The following RSPH1 variants were observed in gnomAD, a reference collection of about 807,000 sequenced individuals.
RSPH1 encodes the protein radial spoke head 1 homolog.
A neutral mutation model predicts 44.2 loss-of-function variants in RSPH1; 32 were observed. The ratio of observed to expected loss-of-function variants is 0.72; its 90% CI spans 0.55 to 0.97. The LOEUF is 0.97. RSPH1 is among the 50% of genes least tolerant of loss of function. The pLI, the probability that RSPH1 is intolerant of heterozygous loss-of-function variation, is 0.00. For synonymous variants in RSPH1, 134 were observed against 147.3 expected, an observed-to-expected ratio of 0.91 and a Z score of 0.65; for missense variants, 391 against 398.7, an observed-to-expected ratio of 0.98 and a Z score of 0.16.
At chr21:42,477,586 A>T in intron 6 of RSPH1, 142 bp from the exon 7 acceptor site, 1 of 776,292 alleles carries the variant, frequency 1.3e-6, no homozygotes. Context: ...CTCAGGAATC[A>T]GACCAGTTGC....
chr21:42,489,180 G>T (rs139265241), intron 3 of RSPH1, among the ~76,000 whole-genome samples: 133 of 151,758 alleles, frequency 8.8e-4, no homozygotes, highest in African/African-American at 3.0e-3. Flanking sequence ...TGGCTGTTTG[G>T]TTGGCTGGTT....
chr21:42,472,914 G>T, intron 8 of RSPH1, 44 bp from the exon 9 acceptor site: 1 of 1,418,026 alleles, frequency 7.1e-7, no homozygotes, highest in African/African-American at 1.4e-5. Context: ...TATTTACTTT[G>T]TTCTATTTTT....
At chr21:42,476,544 A>C (rs559036231) in intron 7 of RSPH1, among the ~76,000 whole-genome samples, 7 of 152,220 alleles carry the variant, frequency 4.6e-5, no homozygotes, top group Non-Finnish European at 8.8e-5. Flanking sequence ...AGCCACCTTC[A>C]ACTTTCCCCA....
At chr21:42,485,357 T>G in intron 5 of RSPH1, 1 of 316,784 alleles carries the variant, frequency 3.2e-6, no homozygotes, top group Non-Finnish European at 6.0e-6. Flanking sequence ...GATTTACCCA[T>G]GAGAAGGAAT....
rs1234618587 is a variant in RSPH1, at chr21:42,476,999, ACAGCCCGGGGGATGCCCCACACCCTCTG to A, written c.727+264_727+291del. Among the ~76,000 whole-genome samples the A allele has an allele frequency of 1.1e-3, 28 of 24,920 alleles. 1 individual carries two copies. The highest frequency in any genetic ancestry group is 3.1e-3 in the African/African-American group (26 of 8,288). 16.3% of individuals were successfully genotyped at this position (24,920 alleles called of 152,430 possible). A position where few individuals can be genotyped will look rare whatever the true frequency, so the allele number is the denominator to read the frequency against. On this transcript the variant is annotated intron_variant, in intron 7 of 8. Transcript: ENST00000291536. ...GGGGATGCCCCACACCCTCTGTCCC[ACAGCCCGGGGGATGCCCCACACCCTCTG>A]TCCCACAGCCCGGGGGTGCCCCACA...
rs745361852 is a variant in RSPH1 at position 42,493,093 on chromosome 21, AT to A, written c.55-15del. ...CCCCTCATATTCCTGGGTAATGAAAATTGACACAATTACAGCTACCATTCAT... is the reference window on the plus strand; with the variant it reads ...CCCCTCATATTCCTGGGTAATGAAAATGACACAATTACAGCTACCATTCAT... On this transcript the variant is annotated splice_polypyrimidine_tract_variant and intron_variant, in intron 1 of 8. Transcript: ENST00000291536. The A allele has an allele frequency of 2.5e-6, 4 of 1,602,134 alleles. 1 individual carries two copies. The South Asian group carries it at 3.3e-5, about 13-fold the overall frequency.
chr21:42,481,367 T>C (rs1274397834), intron 6 of RSPH1, among the ~76,000 whole-genome samples: 1 of 152,098 alleles, frequency 6.6e-6, no homozygotes, highest in African/African-American at 2.4e-5. Context: ...TGCAGAACTG[T>C]GAACCAAATA....
chr21:42,473,736 T>A (rs1172039661), intron 8 of RSPH1, among the ~76,000 whole-genome samples: 1 of 152,196 alleles, frequency 6.6e-6, no homozygotes, highest in Non-Finnish European at 1.5e-5. Context: ...TATTACTCCC[T>A]TTTCACTTAG....
intron 4 of RSPH1, chr21:42,486,105 C>T (rs1207844298): frequency 5.2e-6 from 3 of 572,874 alleles, no homozygotes; most frequent in Non-Finnish European, 9.4e-6. Context: ...CCCAGTGGCT[C>T]TTCTGTGCCC....
intron 7 of RSPH1, among the ~76,000 whole-genome samples, chr21:42,476,998 CACAGCCCGGGGGATG>C (rs1384731592): frequency 9.8e-5 from 10 of 102,082 alleles, no homozygotes; most frequent in South Asian, 9.8e-4. Context: ...CCCTCTGTCC[CACAGCCCGGGGGATG>C]CCCCACACCC....
At position 42,485,713 on chromosome 21, in the gene RSPH1, T is replaced by C. The variant is rs890226717; in HGVS notation, c.457A>G (p.Ile153Val). ...CCCTGGTACCTGTGGTTCAGGTGAA[T>C]GAGCTCGGCCGTGCCCTCCTGCTGT... ...NGQQEGTAEL[I>V]HLNHRYQGKF... Residue 153 changes from isoleucine to valine, a missense_variant, in exon 5 of 9, where the codon ATT (isoleucine) becomes GTT (valine). By Grantham distance (29) the Ile-to-Val change is conservative. Transcript: ENST00000291536. 6.2e-7 allele frequency: 1 copy of C among 1,614,220 alleles called. No individual in the cohort carries two copies. The highest frequency in any genetic ancestry group is 8.5e-7 in the Non-Finnish European group (1 of 1,180,018).
At chr21:42,473,862 C>T (rs1454038526) in intron 8 of RSPH1, among the ~76,000 whole-genome samples, 1 of 152,174 alleles carries the variant, frequency 6.6e-6, no homozygotes, top group Non-Finnish European at 1.5e-5. Flanking sequence ...GCACCTCCCT[C>T]ACCAGCCTCC....
In RSPH1 at chr21:42,472,695, C is replaced by G. The variant is rs2054003957; in HGVS notation, c.*123G>C. On this transcript the variant is annotated 3_prime_UTR_variant, in exon 9 of 9. Coordinates refer to ENST00000291536, the MANE Select transcript of RSPH1 (RefSeq NM_080860.4). ...CTCCACTCACTGCAACTGCCACTTT[C>G]TGGACTCAAGCAATCCTCCTGCCTC... is the stretch of plus-strand genomic sequence containing the variant. The G allele has an allele frequency of 8.4e-6, 6 of 711,894 alleles. No individual in the cohort carries two copies. Among genetic ancestry groups the G allele is most frequent in the Non-Finnish European group, 1.2e-5 (5 of 420,396 alleles). The allele number at this position is 711,894 out of a possible 1,614,324, so 44.1% of individuals were successfully genotyped here.
intron 5 of RSPH1, 77 bp from the exon 6 acceptor site, chr21:42,482,785 A>G: frequency 3.8e-6 from 4 of 1,055,492 alleles, no homozygotes; most frequent in Non-Finnish European, 5.8e-6. Flanking sequence ...CCACCACAAT[A>G]CCCACCTCAA....
intron 3 of RSPH1, among the ~76,000 whole-genome samples, chr21:42,491,272 G>A (rs1464834292): frequency 2.0e-5 from 3 of 152,112 alleles, no homozygotes; most frequent in South Asian, 4.1e-4. Flanking sequence ...TAACCTGTGG[G>A]GTCTGTGCTA....
chr21:42,491,688 G>T (rs1479531208), intron 3 of RSPH1, among the ~76,000 whole-genome samples: 1 of 152,144 alleles, frequency 6.6e-6, no homozygotes, highest in Admixed American at 6.5e-5. Flanking sequence ...CCTCCATCTT[G>T]GTCTCAGAAT....
At position 42,486,414 on chromosome 21, in the gene RSPH1, T is replaced by TGTA. The variant is rs1568964847; in HGVS notation, c.319_321dup (p.Tyr107dup). Reference sequence around the variant, plus strand: ...TCTCCAGTGTAGGTGTCATTATTGATGTAGTAGTATACGCCATGGCCGTGC... The same window carrying TGTA: ...TCTCCAGTGTAGGTGTCATTATTGATGTAGTAGTAGTATACGCCATGGCCGTGC... On this transcript the variant is annotated inframe_insertion, in exon 4 of 9. Transcript: ENST00000291536. 1 of 1,614,116 alleles carries TGTA rather than the reference T, an allele frequency of 6.2e-7. No homozygotes were observed. Among genetic ancestry groups the TGTA allele is most frequent in the Non-Finnish European group, 8.5e-7 (1 of 1,179,948 alleles).
At chr21:42,492,141 G>A (rs1165775311) in intron 3 of RSPH1, among the ~76,000 whole-genome samples, 1 of 152,210 alleles carries the variant, frequency 6.6e-6, no homozygotes, top group Non-Finnish European at 1.5e-5. Context: ...CTCCCTGCCG[G>A]TCCCCCTGCC....
rs2054020037 is a variant in RSPH1, at chr21:42,474,094, T to C, written c.878-1224A>G. On this transcript the variant is annotated intron_variant, in intron 8 of 8. Coordinates refer to ENST00000291536, the MANE Select transcript of RSPH1 (RefSeq NM_080860.4). The surrounding 1 kb of genome is among the most constrained non-coding windows in gnomAD (Gnocchi z 5.2). ...CACCAAGTTTCTGGGGCCTCCTGCC[T>C]TGCCTGGCTCCAGGGCACCCATCCT... 6.6e-6 allele frequency among the ~76,000 whole-genome samples: 1 copy of C among 152,150 alleles called. No individual in the cohort carries two copies. The highest frequency in any genetic ancestry group is 2.4e-5 in the African/African-American group (1 of 41,422).
Sources: gnomAD v4.1 joint callset for allele counts (sites outside exome capture counted in the v4.1 genomes callset) on GRCh38, gnomAD v4.1.1 for gene constraint, Gnocchi (gnomAD v3.1) non-coding constraint, MANE v1.5 for transcripts, NCBI Gene and HGNC (gene_info 2026-07-23, HGNC 2026-07-21) for gene names.